PACSIN2: variants seen among roughly 807,000 people sequenced by gnomAD.
PACSIN2 encodes protein kinase C and casein kinase substrate in neurons protein 2.
Under a neutral mutation model 63.8 loss-of-function variants are expected in PACSIN2, and 25 were observed. That is an observed-to-expected ratio of 0.39 (90% CI 0.29 to 0.55). The LOEUF is 0.55. Ranked by LOEUF, PACSIN2 falls within the 20% of genes least tolerant of loss-of-function variation. The probability of loss-of-function intolerance (pLI) is 0.62; values close to 1 mark genes in which losing one functional copy is unlikely to be tolerated. For synonymous variants in PACSIN2, 255 were observed against 256.2 expected (o/e 1.00, Z 0.05); for missense variants, 518 against 646.9 (o/e 0.80, Z 2.16).
chr22:42,945,801 A>G (rs1933391197), intron 1 of PACSIN2: 1 of 152,492 alleles, frequency 6.6e-6, no homozygotes, highest in African/African-American at 2.4e-5. Flanking sequence ...CCACTTGTTT[A>G]GTCCCCGACT....
At chr22:43,008,764 C>A (rs141356939) in intron 1 of PACSIN2, among the ~76,000 whole-genome samples, 83 of 152,310 alleles carry the variant, frequency 5.4e-4, no homozygotes, top group Middle Eastern at 3.4e-3. Context: ...TCCTAGACTG[C>A]AGAAAGCATC....
At chr22:42,883,720 C>T (rs1221753524) in intron 6 of PACSIN2, among the ~76,000 whole-genome samples, 1 of 152,222 alleles carries the variant, frequency 6.6e-6, no homozygotes, top group African/African-American at 2.4e-5. Context: ...CATATGCCAG[C>T]TGCGGCCAGG....
intron 1 of PACSIN2, among the ~76,000 whole-genome samples, chr22:42,939,561 G>C: frequency 6.6e-6 from 1 of 152,170 alleles, no homozygotes; most frequent in East Asian, 1.9e-4. Context: ...CAACCCCACA[G>C]AGGGAATGGG....
chr22:42,900,584 C>T (rs1321684638), intron 2 of PACSIN2, among the ~76,000 whole-genome samples: 2 of 152,220 alleles, frequency 1.3e-5, no homozygotes, highest in Non-Finnish European at 2.9e-5. Flanking sequence ...AGTGATCCTC[C>T]TGCCTCAGCC....
intron 1 of PACSIN2, among the ~76,000 whole-genome samples, chr22:42,963,080 A>T (rs561203025): frequency 4.6e-5 from 7 of 152,350 alleles, no homozygotes; most frequent in Admixed American, 4.6e-4. Flanking sequence ...CTAAGCTGGA[A>T]TTCCAGTTCT....
chr22:42,996,680 A>G (rs1223451654), intron 1 of PACSIN2, among the ~76,000 whole-genome samples: 1 of 152,140 alleles, frequency 6.6e-6, no homozygotes, highest in South Asian at 2.1e-4. Context: ...TGACAGAGTG[A>G]GGCCCTGTCT....
At chr22:42,899,029 T>C (rs1482924052) in intron 2 of PACSIN2, among the ~76,000 whole-genome samples, 3 of 152,168 alleles carry the variant, frequency 2.0e-5, no homozygotes, top group African/African-American at 7.2e-5. Context: ...ACAAGGACGC[T>C]GGAGAAGGTC....
intron 1 of PACSIN2, among the ~76,000 whole-genome samples, chr22:42,943,407 T>C (rs969300770): frequency 6.6e-6 from 1 of 152,200 alleles, no homozygotes; most frequent in African/African-American, 2.4e-5. Context: ...AAGTTCCTGG[T>C]TAGACTCTCC....
intron 2 of PACSIN2, among the ~76,000 whole-genome samples, chr22:42,905,999 C>T (rs1383908868): frequency 6.6e-6 from 1 of 152,274 alleles, no homozygotes; most frequent in Non-Finnish European, 1.5e-5. Context: ...GTGCATGGCA[C>T]CAGGCCCTGG....
intron 1 of PACSIN2, among the ~76,000 whole-genome samples, chr22:42,950,675 T>A (rs1026613046): frequency 2.6e-5 from 4 of 152,234 alleles, no homozygotes; most frequent in African/African-American, 9.6e-5. Context: ...TCTAAAAAGC[T>A]GAACACTTGG....
chr22:42,962,773 G>C (rs996585230), intron 1 of PACSIN2, among the ~76,000 whole-genome samples: 3 of 113,366 alleles, frequency 2.6e-5, no homozygotes, highest in Non-Finnish European at 5.4e-5. Flanking sequence ...GCAAGGTGTG[G>C]GCGGGGGGGG....
chr22:42,887,957 C>A (rs1929614845), intron 5 of PACSIN2, among the ~76,000 whole-genome samples: 1 of 152,064 alleles, frequency 6.6e-6, no homozygotes. Context: ...ACTTTCGGGG[C>A]CTGTCACTGT....
intron 1 of PACSIN2, among the ~76,000 whole-genome samples, chr22:42,989,195 A>T (rs1922834538): frequency 1.3e-5 from 2 of 152,170 alleles, no homozygotes; most frequent in African/African-American, 4.8e-5. Context: ...GTTTCTTAAT[A>T]CAATAGAAAA....
At position 42,953,128 on chromosome 22, in the gene PACSIN2, GA is replaced by G. The variant is rs551480116; in HGVS notation, c.-77-40972del. ...AAATTTGCAGGATTTAAAAAAATCA[GA>G]AAAAAAAAACTGGACAAGTTGAGAG... On this transcript the variant is annotated intron_variant, in intron 1 of 10. Coordinates refer to ENST00000263246, the MANE Select transcript of PACSIN2 (RefSeq NM_001184970.3). Among the ~76,000 whole-genome samples, 484 of 147,658 alleles carry G rather than the reference GA, an allele frequency of 3.3e-3. 1 individual carries two copies. The highest frequency in any genetic ancestry group is 5.3e-3 in the Non-Finnish European group (356 of 66,622).
At chr22:42,925,447 T>G (rs1319258832) in intron 1 of PACSIN2, among the ~76,000 whole-genome samples, 1 of 148,316 alleles carries the variant, frequency 6.7e-6, no homozygotes, top group African/African-American at 2.5e-5. Context: ...GCCATAGCAC[T>G]CCAGCCTGGG....
intron 1 of PACSIN2, among the ~76,000 whole-genome samples, chr22:42,970,318 A>G (rs1459115926): frequency 2.0e-5 from 3 of 152,260 alleles, no homozygotes; most frequent in African/African-American, 7.2e-5. Flanking sequence ...GACTCTCCCC[A>G]AATTCATCCA....
chr22:42,904,492 C>T (rs1376395586), intron 2 of PACSIN2, among the ~76,000 whole-genome samples: 1 of 152,220 alleles, frequency 6.6e-6, no homozygotes, highest in Non-Finnish European at 1.5e-5. Flanking sequence ...ATCACCTGCC[C>T]GGTCCCTAAG....
chr22:43,014,228 C>T (rs1418492572), intron 1 of PACSIN2, among the ~76,000 whole-genome samples: 1 of 151,934 alleles, frequency 6.6e-6, no homozygotes. Context: ...TGGGGAAACT[C>T]TGAGGAGGGT....
intron 9 of PACSIN2, 59 bp downstream of exon 9, chr22:42,876,829 A>AGAGG (rs1928671083): frequency 6.8e-6 from 11 of 1,609,354 alleles, no homozygotes; most frequent in Non-Finnish European, 8.5e-6. Context: ...CTGGACAGAG[A>AGAGG]GAGAGGAAGA....
Sources: gnomAD v4.1 joint callset for allele counts (sites outside exome capture counted in the v4.1 genomes callset) on GRCh38, gnomAD v4.1.1 for gene constraint, MANE v1.5 for transcripts, NCBI Gene and HGNC (gene_info 2026-07-23, HGNC 2026-07-21) for gene names.